Variants in CSMD1 observed in about 807,000 individuals in gnomAD.
CSMD1 encodes the protein CUB and sushi domain-containing protein 1.
CSMD1 carries 213 observed loss-of-function variants against 417.5 expected under a neutral mutation model. That is an observed-to-expected ratio of 0.51 (90% confidence interval 0.46 to 0.57). The LOEUF (loss-of-function observed/expected upper bound fraction) is 0.57. CSMD1 is among the 20% of genes least tolerant of loss of function. The probability of loss-of-function intolerance (pLI) is 0.00; values close to 1 mark genes in which losing one functional copy is unlikely to be tolerated. For synonymous variants in CSMD1, 2,862 were observed against 1,736.8 expected (o/e 1.65, Z -16.11); for missense variants, 6,923 against 4,529.7 (o/e 1.53, Z -15.17).
intron 1 of CSMD1, among the ~76,000 whole-genome samples, chr8:4,660,337 T>C (rs1268656436): frequency 6.6e-6 from 1 of 150,952 alleles, no homozygotes; most frequent in African/African-American, 2.5e-5. Context: ...TAGGTGTAAA[T>C]CTAGCAAAAC....
intron 7 of CSMD1, among the ~76,000 whole-genome samples, chr8:3,689,534 G>A (rs142012032): frequency 1.2e-4 from 19 of 152,124 alleles, no homozygotes; most frequent in Admixed American, 2.0e-4. Flanking sequence ...TCTTTTCCCG[G>A]AGGAGCCATT....
chr8:4,652,909 G>C (rs1803999996), intron 1 of CSMD1, among the ~76,000 whole-genome samples: 1 of 151,372 alleles, frequency 6.6e-6, no homozygotes, highest in African/African-American at 2.5e-5. Context: ...CTGCTGATGT[G>C]GTGGGGTGGA....
At chr8:4,538,573 T>G (rs143212351) in intron 2 of CSMD1, among the ~76,000 whole-genome samples, 12,915 of 151,710 alleles carry the variant, frequency 0.085, 724 homozygotes, top group East Asian at 0.14. Context: ...AACCCAGGAG[T>G]TGGACGTTGC....
At chr8:3,027,591 T>C (rs952265906) in intron 51 of CSMD1, among the ~76,000 whole-genome samples, 48 of 152,050 alleles carry the variant, frequency 3.2e-4, no homozygotes, top group Admixed American at 1.0e-3. Context: ...AAGGGACAAA[T>C]AGCAAAGTGT....
chr8:4,231,076 G>A lies in CSMD1; in HGVS notation c.415+188877C>T, dbSNP rs1330586198. Among the ~76,000 whole-genome samples the A allele has an allele frequency of 3.3e-5, 5 of 152,094 alleles. No homozygotes were observed. In the East Asian group the frequency reaches 5.8e-4, roughly 18 times the overall value. Reference sequence around the variant, plus strand: ...AATTGGGGAAAGCGTTTTTACAAGGGTTATCCTAAATTAAGCATTTCTCCA... The same window carrying A: ...AATTGGGGAAAGCGTTTTTACAAGGATTATCCTAAATTAAGCATTTCTCCA... On this transcript the variant is annotated intron_variant, in intron 3 of 69. Transcript: ENST00000635120.
At chr8:4,691,923 C>T (rs899167948) in intron 1 of CSMD1, among the ~76,000 whole-genome samples, 1 of 152,238 alleles carries the variant, frequency 6.6e-6, no homozygotes, top group Non-Finnish European at 1.5e-5. Flanking sequence ...TTTCTCCTCA[C>T]TCCCTATAAC....
intron 5 of CSMD1, among the ~76,000 whole-genome samples, chr8:3,928,313 T>C (rs1402581968): frequency 6.6e-6 from 1 of 152,222 alleles, no homozygotes; most frequent in Non-Finnish European, 1.5e-5. Flanking sequence ...TGAATGTATT[T>C]TTCTTTTAAT....
At chr8:4,104,485 G>T (rs186655861) in intron 3 of CSMD1, among the ~76,000 whole-genome samples, 1 of 152,286 alleles carries the variant, frequency 6.6e-6, no homozygotes, top group South Asian at 2.1e-4. Context: ...TGACTCTATT[G>T]AATTTTCTTG....
At chr8:4,954,486 G>A (rs1035270250) in intron 1 of CSMD1, among the ~76,000 whole-genome samples, 3 of 152,088 alleles carry the variant, frequency 2.0e-5, no homozygotes, top group Non-Finnish European at 4.4e-5. Flanking sequence ...AATTGATCAC[G>A]TGGCACAACA....
Position 4,238,835 on chromosome 8 carries a change from T to C in CSMD1, c.415+181118A>G, listed in dbSNP as rs148860525. ...CTTTGGCCCACACTCAAAGTCATAC[T>C]AATAAGTACATTTTTAAAAATCGAT... On this transcript the variant is annotated intron_variant, in intron 3 of 69. Coordinates refer to ENST00000635120, the MANE Select transcript of CSMD1 (RefSeq NM_033225.6). 5.4e-4 allele frequency among the ~76,000 whole-genome samples: 83 copies of C among 152,338 alleles called. 1 individual carries two copies. In the East Asian group the frequency reaches 0.014, roughly 26 times the overall value.
chr8:3,567,599 G>C (rs548866000), intron 10 of CSMD1, among the ~76,000 whole-genome samples: 1 of 151,712 alleles, frequency 6.6e-6, no homozygotes, highest in East Asian at 1.9e-4. Context: ...AAGGGAGAAA[G>C]AAAAAGCCTA....
At chr8:4,989,621 G>A (rs556424919) in intron 1 of CSMD1, among the ~76,000 whole-genome samples, 116 of 152,300 alleles carry the variant, frequency 7.6e-4, no homozygotes, top group African/African-American at 2.6e-3. Context: ...CATACAAAAG[G>A]CCAAAGGGAA....
At position 3,767,310 on chromosome 8, in the gene CSMD1, C is replaced by T. The variant is rs115241898; in HGVS notation, c.819-13268G>A. On this transcript the variant is annotated intron_variant, in intron 5 of 69. Coordinates refer to ENST00000635120, the MANE Select transcript of CSMD1 (RefSeq NM_033225.6). Reference sequence around the variant, plus strand: ...ACACTCTGCAATGGTGTGGTCATTACGAACACGGACAGTGGAGTCATACTG... The same window carrying T: ...ACACTCTGCAATGGTGTGGTCATTATGAACACGGACAGTGGAGTCATACTG... Among the ~76,000 whole-genome samples, 941 of 152,328 alleles carry T rather than the reference C, an allele frequency of 6.2e-3. 9 individuals carry two copies. The highest frequency in any genetic ancestry group is 0.021 in the African/African-American group (893 of 41,562).
At chr8:4,580,156 C>T (rs1799343325) in intron 2 of CSMD1, among the ~76,000 whole-genome samples, 1 of 152,192 alleles carries the variant, frequency 6.6e-6, no homozygotes, top group African/African-American at 2.4e-5. Flanking sequence ...CTGTACCAGG[C>T]ACTGCTTTCA....
At chr8:3,837,969 T>G (rs1001717040) in intron 5 of CSMD1, among the ~76,000 whole-genome samples, 1 of 152,106 alleles carries the variant, frequency 6.6e-6, no homozygotes, top group Non-Finnish European at 1.5e-5. Flanking sequence ...TTTTCATGAG[T>G]TGAAATCTAA....
At chr8:4,250,433 G>C (rs553353125) in intron 3 of CSMD1, among the ~76,000 whole-genome samples, 1 of 152,010 alleles carries the variant, frequency 6.6e-6, no homozygotes, top group Non-Finnish European at 1.5e-5. Context: ...TGCTCCCTGG[G>C]GAACATGCGT....
chr8:3,403,721 T>C (rs1276925230), intron 15 of CSMD1, among the ~76,000 whole-genome samples: 2 of 152,172 alleles, frequency 1.3e-5, no homozygotes, highest in African/African-American at 4.8e-5. Flanking sequence ...TGCTTCCAAG[T>C]CAGTGAAATA....
chr8:4,841,997 G>A (rs1800871728), intron 1 of CSMD1, among the ~76,000 whole-genome samples: 2 of 150,488 alleles, frequency 1.3e-5, no homozygotes, highest in Admixed American at 6.6e-5. Flanking sequence ...CTAATTGATA[G>A]GGAAACCCTA....
intron 10 of CSMD1, among the ~76,000 whole-genome samples, chr8:3,513,338 A>ATTT (rs56387019): frequency 0.069 from 9,703 of 141,442 alleles, 405 homozygotes; most frequent in Admixed American, 0.14. Flanking sequence ...TTGCCCACAG[A>ATTT]TTTTTTTTTT....
Sources: gnomAD v4.1 joint callset for allele counts (sites outside exome capture counted in the v4.1 genomes callset) on GRCh38, gnomAD v4.1.1 for gene constraint, MANE v1.5 for transcripts, NCBI Gene and HGNC (gene_info 2026-07-23, HGNC 2026-07-21) for gene names.